Variants in TFDP2 observed in about 807,000 individuals in gnomAD.
The protein encoded by TFDP2 is transcription factor Dp-2.
A neutral mutation model predicts 59.3 loss-of-function variants in TFDP2; 17 were observed. The observed-to-expected ratio is 0.29, with a 90% confidence interval of 0.20 to 0.43. The LOEUF (loss-of-function observed/expected upper bound fraction) is 0.43. Ranked by LOEUF, TFDP2 falls within the 20% of genes least tolerant of loss-of-function variation. The probability of loss-of-function intolerance (pLI) is 1.00; values close to 1 mark genes in which losing one functional copy is unlikely to be tolerated. For missense variants in TFDP2, 391 were observed against 528.8 expected (o/e 0.74, Z 2.56); for synonymous variants, 180 against 194.7 (o/e 0.92, Z 0.63).
At chr3:142,052,967 G>A (rs1276402762) in intron 3 of TFDP2, among the ~76,000 whole-genome samples, 2 of 151,886 alleles carry the variant, frequency 1.3e-5, no homozygotes, top group Non-Finnish European at 2.9e-5. Flanking sequence ...CTGCCACTAC[G>A]CCCGGCTATT....
chr3:142,012,358 C>T (rs1270713235), intron 3 of TFDP2, among the ~76,000 whole-genome samples: 4 of 152,146 alleles, frequency 2.6e-5, no homozygotes, highest in Admixed American at 2.6e-4. Flanking sequence ...AACAAATACC[C>T]TCTGTTGCCT....
intron 1 of TFDP2, among the ~76,000 whole-genome samples, chr3:142,133,978 G>A (rs1577060404): frequency 6.6e-6 from 1 of 151,772 alleles, no homozygotes; most frequent in South Asian, 2.1e-4. Flanking sequence ...AGGTGGCAGT[G>A]AGCCGAGATC....
At chr3:141,968,088 A>G (rs1938412767) in intron 9 of TFDP2, among the ~76,000 whole-genome samples, 2 of 151,652 alleles carry the variant, frequency 1.3e-5, no homozygotes. Flanking sequence ...CAGGGACAAC[A>G]GAGAGGCTGC....
rs773731534 is a variant in TFDP2, at chr3:141,952,979, T to G, written c.1089A>C (p.Leu363=). The stretch of plus-strand genomic sequence containing the variant: ...AAACTGATTGGGTAGAGTTCAGAAG[T>G]AGTCCCTGATTTAACCAAGAAGGTC... ...STGPSWLNQG[L]LLNSTQSVSN... The change falls in exon 12 of 13, where the codon CTA becomes CTC. Residue 363 remains leucine, a synonymous_variant. Coordinates refer to ENST00000489671, the MANE Select transcript of TFDP2 (RefSeq NM_001178139.2). 2 of 1,614,112 alleles carry G rather than the reference T, an allele frequency of 1.2e-6. No individual in the cohort carries two copies. Among genetic ancestry groups the G allele is most frequent in the Non-Finnish European group, 1.7e-6 (2 of 1,179,996 alleles).
intron 3 of TFDP2, among the ~76,000 whole-genome samples, chr3:142,071,272 T>C (rs1039742823): frequency 5.3e-5 from 8 of 152,064 alleles, no homozygotes; most frequent in Non-Finnish European, 7.4e-5. Flanking sequence ...TTCTCCTGCC[T>C]CAGCCCCCCT....
chr3:142,059,810 G>A lies in TFDP2; in HGVS notation c.82+33251C>T, dbSNP rs143298708. Among the ~76,000 whole-genome samples, 895 of 152,058 alleles carry A rather than the reference G, an allele frequency of 5.9e-3. 6 individuals carry two copies. Among genetic ancestry groups the A allele is most frequent in the African/African-American group, 0.02 (843 of 41,500 alleles). On this transcript the variant is annotated intron_variant, in intron 3 of 12. Transcript: ENST00000489671. ...TTGGCCAGGCTGGTCTCAAACTCCT[G>A]ATCTCAGGTGATCTGACTGCCTCGG...
chr3:142,095,988 C>T (rs2061150005), intron 2 of TFDP2, among the ~76,000 whole-genome samples: 1 of 152,186 alleles, frequency 6.6e-6, no homozygotes. Context: ...ACTAAAACCA[C>T]ATATTCATAA....
chr3:142,048,045 A>T (rs1947433779), intron 3 of TFDP2, among the ~76,000 whole-genome samples: 1 of 152,120 alleles, frequency 6.6e-6, no homozygotes, highest in South Asian at 2.1e-4. Context: ...CCTGGCCCTA[A>T]TATGCTAATT....
intron 1 of TFDP2, among the ~76,000 whole-genome samples, chr3:142,103,894 T>C (rs2061391950): frequency 6.7e-6 from 1 of 149,566 alleles, no homozygotes; most frequent in Admixed American, 6.7e-5. Flanking sequence ...AGGTTTTTTT[T>C]TTCTGTTTTT....
chr3:142,050,348 C>T (rs1947554598), intron 3 of TFDP2, among the ~76,000 whole-genome samples: 1 of 151,796 alleles, frequency 6.6e-6, no homozygotes, highest in South Asian at 2.1e-4. Flanking sequence ...GACACCTATC[C>T]TTCTGCGACA....
intron 2 of TFDP2, among the ~76,000 whole-genome samples, chr3:142,095,001 T>C (rs1023607487): frequency 2.0e-5 from 3 of 152,186 alleles, no homozygotes; most frequent in Non-Finnish European, 4.4e-5. Flanking sequence ...CTTCTTCTTT[T>C]TTTTTTCAGA....
chr3:141,974,907 C>CTTTTTTTTTTTT (rs753702830), intron 7 of TFDP2, among the ~76,000 whole-genome samples: 17 of 90,500 alleles, frequency 1.9e-4, no homozygotes, highest in East Asian at 6.4e-4. Flanking sequence ...TCTTCTTCTT[C>CTTTTTTTTTTTT]TTTTTTTTTT....
intron 1 of TFDP2, among the ~76,000 whole-genome samples, chr3:142,122,963 G>C (rs1211945319): frequency 1.4e-5 from 2 of 146,834 alleles, no homozygotes; most frequent in Admixed American, 1.4e-4. Flanking sequence ...TTTATATAAA[G>C]TTTTTTTTTT....
At chr3:142,003,926 A>G (rs894576992) in intron 4 of TFDP2, among the ~76,000 whole-genome samples, 52 of 152,364 alleles carry the variant, frequency 3.4e-4, no homozygotes, top group Middle Eastern at 3.4e-3. Flanking sequence ...ACAAAAAATA[A>G]TAGAAAATAA....
intron 3 of TFDP2, among the ~76,000 whole-genome samples, chr3:142,090,189 G>A (rs2060953044): frequency 6.6e-6 from 1 of 152,140 alleles, no homozygotes; most frequent in Non-Finnish European, 1.5e-5. Flanking sequence ...TCAGCCAGGT[G>A]CAGTGACACA....
chr3:142,007,216 G>A (rs1227908423), intron 3 of TFDP2, among the ~76,000 whole-genome samples: 1 of 151,958 alleles, frequency 6.6e-6, no homozygotes, highest in Non-Finnish European at 1.5e-5. Flanking sequence ...GCATTATAGA[G>A]TTAATTTTCC....
At chr3:141,977,801 C>T (rs1204460039) in intron 7 of TFDP2, among the ~76,000 whole-genome samples, 4 of 151,782 alleles carry the variant, frequency 2.6e-5, no homozygotes, top group Non-Finnish European at 5.9e-5. Context: ...ACCTCCGCCT[C>T]CCAGGTTCAA....
chr3:142,046,699 G>A (rs1293850099), intron 3 of TFDP2, among the ~76,000 whole-genome samples: 2 of 152,194 alleles, frequency 1.3e-5, no homozygotes, highest in Non-Finnish European at 2.9e-5. Context: ...GCCTGTCCCC[G>A]CTATTTTGTC....
chr3:142,143,625 A>C (rs1481131568), intron 1 of TFDP2, among the ~76,000 whole-genome samples: 4 of 152,248 alleles, frequency 2.6e-5, no homozygotes, highest in Admixed American at 2.6e-4. Context: ...GAAGACATAC[A>C]AATGGCAAAT....
Sources: allele counts gnomAD v4.1 joint callset (sites outside exome capture counted in the v4.1 genomes callset), GRCh38; gene constraint gnomAD v4.1.1; transcripts MANE v1.5; gene names NCBI Gene and HGNC (gene_info 2026-07-23, HGNC 2026-07-21).